Variants in CAMK2G observed in about 807,000 individuals in gnomAD.
CAMK2G encodes the protein calcium/calmodulin dependent protein kinase II gamma, also known as calcium/calmodulin-dependent protein kinase type II subunit gamma.
CAMK2G carries 23 observed loss-of-function variants against 88.7 expected under a neutral mutation model. The observed-to-expected ratio is 0.26, with a 90% CI of 0.19 to 0.37. The LOEUF (loss-of-function observed/expected upper bound fraction) is 0.37. Ranked by LOEUF, CAMK2G falls within the 10% of genes least tolerant of loss-of-function variation. The probability of loss-of-function intolerance (pLI) is 1.00; values close to 1 mark genes in which losing one functional copy is unlikely to be tolerated. For missense variants in CAMK2G, 476 were observed against 780.8 expected, an observed-to-expected ratio of 0.61 and a Z score of 4.65; for synonymous variants, 263 against 294.8, an observed-to-expected ratio of 0.89 and a Z score of 1.11.
chr10:73,866,478 C>T (rs1050557958), intron 2 of CAMK2G, among the ~76,000 whole-genome samples: 6 of 151,970 alleles, frequency 3.9e-5, no homozygotes, highest in African/African-American at 1.5e-4. Context: ...AAAAAAAACA[C>T]AAATGCCAGC....
At chr10:73,860,806 A>G in intron 3 of CAMK2G, 24 bp downstream of exon 3, 1 of 1,582,984 alleles carries the variant, frequency 6.3e-7, no homozygotes, top group Non-Finnish European at 8.7e-7. Context: ...ATACCCACAA[A>G]ATGCTCCATG....
At chr10:73,856,698 T>C (rs867702340) in intron 3 of CAMK2G, among the ~76,000 whole-genome samples, 1 of 152,258 alleles carries the variant, frequency 6.6e-6, no homozygotes, top group Non-Finnish European at 1.5e-5. Context: ...GGCCAGGCCA[T>C]GTCCATAGAC....
In CAMK2G at chr10:73,873,090, G is replaced by A; in HGVS notation, c.66-7C>T. 6.3e-7 allele frequency: 1 copy of A among 1,593,604 alleles called. No homozygotes were observed. The highest frequency in any genetic ancestry group is 8.6e-7 in the Non-Finnish European group (1 of 1,161,530). On this transcript the variant is annotated splice_polypyrimidine_tract_variant and splice_region_variant and intron_variant, in intron 1 of 22. Transcript: ENST00000423381. ...GACCACAGAGAAAGCACCCCTGGAG[G>A]GAGAAGGGGAAAAGAACTGGGACAC...
intron 3 of CAMK2G, among the ~76,000 whole-genome samples, chr10:73,857,305 C>T (rs2095109430): frequency 6.6e-6 from 1 of 152,132 alleles, no homozygotes; most frequent in Admixed American, 6.5e-5. Context: ...AGCCCCCTTT[C>T]CTGGCTGAAC....
At chr10:73,860,778 T>G (rs2095338279) in intron 3 of CAMK2G, 52 bp downstream of exon 3, 8 of 1,310,088 alleles carry the variant, frequency 6.1e-6, no homozygotes. Flanking sequence ...GGATATCTGT[T>G]ATCCCTGCTT....
chr10:73,861,484 T>C (rs2095371609), intron 2 of CAMK2G, among the ~76,000 whole-genome samples: 1 of 152,126 alleles, frequency 6.6e-6, no homozygotes, highest in South Asian at 2.1e-4. Flanking sequence ...GCCTCCCGAG[T>C]AGCTGGGATT....
At chr10:73,856,565 C>T (rs138665179) in intron 3 of CAMK2G, among the ~76,000 whole-genome samples, 97 of 152,298 alleles carry the variant, frequency 6.4e-4, no homozygotes, top group African/African-American at 1.9e-3. Context: ...TACACAAATG[C>T]GTTAACTAAG....
chr10:73,874,245 G>T, intron 1 of CAMK2G, 152 bp downstream of exon 1: 1 of 355,650 alleles, frequency 2.8e-6, no homozygotes, highest in South Asian at 1.3e-4. Context: ...TGCGCGGGGG[G>T]CGCGGGGACC....
chr10:73,845,040 G>A (rs1332053148), intron 10 of CAMK2G, among the ~76,000 whole-genome samples: 1 of 152,096 alleles, frequency 6.6e-6, no homozygotes, highest in Non-Finnish European at 1.5e-5. Flanking sequence ...AAATGCTGGT[G>A]TGTAGTGGCC....
chr10:73,821,612 G>C, intron 18 of CAMK2G, 70 bp downstream of exon 18: 1 of 1,149,882 alleles, frequency 8.7e-7, no homozygotes, highest in South Asian at 1.3e-5. Context: ...AGAAAAGGCA[G>C]GTGCCCCATT....
At chr10:73,853,007 G>T (rs568447680) in intron 4 of CAMK2G, among the ~76,000 whole-genome samples, 185 bp downstream of exon 4, 213 of 152,320 alleles carry the variant, frequency 1.4e-3, no homozygotes, top group Non-Finnish European at 2.5e-3. Context: ...GCCCTGGGGG[G>T]ACGCTGGGGG....
intron 19 of CAMK2G, 138 bp downstream of exon 19, chr10:73,819,394 A>C (rs1390583687): frequency 3.0e-6 from 2 of 676,962 alleles, no homozygotes; most frequent in African/African-American, 3.6e-5. Flanking sequence ...TCTACCCCCC[A>C]CCCCCAGCAG....
intron 16 of CAMK2G, 31 bp from the exon 17 acceptor site, chr10:73,824,115 A>C (rs766651884): frequency 1.3e-6 from 2 of 1,581,868 alleles, no homozygotes; most frequent in African/African-American, 2.7e-5. Flanking sequence ...TACCCTTCCG[A>C]CTTGGGGACA....
chr10:73,874,177 G>T (rs1277390118), intron 1 of CAMK2G, among the ~76,000 whole-genome samples: 3 of 149,792 alleles, frequency 2.0e-5, no homozygotes, highest in Non-Finnish European at 4.5e-5. Context: ...CCGCGGCGGC[G>T]CGTGGGGAGC....
chr10:73,818,464 C>T, intron 19 of CAMK2G: 1 of 349,948 alleles, frequency 2.9e-6, no homozygotes, highest in East Asian at 7.4e-5. Context: ...TTGGGCTCAT[C>T]CTAACCCGAG....
chr10:73,851,591 G>A (rs904863410), intron 5 of CAMK2G, among the ~76,000 whole-genome samples: 1 of 152,126 alleles, frequency 6.6e-6, no homozygotes, highest in African/African-American at 2.4e-5. Context: ...AGTGGCTTGA[G>A]CACACCAGAA....
Position 73,819,566 on chromosome 10 carries a change from G to T in CAMK2G, c.1329C>A (p.Gly443=). Residue 443 remains glycine, a synonymous_variant, in exon 19 of 23, where the codon GGC becomes GGA. Transcript: ENST00000423381. ...AGCAGAGAGAAGGCTGGGGCTGCATGCCTGCAGAGGGGGCTGTTCTGTCCC... is the reference window on the plus strand; with the variant it reads ...AGCAGAGAGAAGGCTGGGGCTGCATTCCTGCAGAGGGGGCTGTTCTGTCCC... The part of the protein sequence containing the change: ...SSRDRTAPSA[G]MQPQPSLCSS... 1 of 1,549,504 alleles carries T rather than the reference G, an allele frequency of 6.5e-7. No homozygotes were observed. The highest frequency in any genetic ancestry group is 1.2e-5 in the South Asian group (1 of 84,002).
intron 6 of CAMK2G, 21 bp downstream of exon 6, chr10:73,849,238 ACG>A (rs1259472736): frequency 1.9e-6 from 3 of 1,605,834 alleles, no homozygotes; most frequent in Non-Finnish European, 2.6e-6. Flanking sequence ...GAGCAGAGGC[ACG>A]GAGGGGAGCC....
chr10:73,819,490 G>T, intron 19 of CAMK2G, 42 bp downstream of exon 19: 1 of 1,401,554 alleles, frequency 7.1e-7, no homozygotes, highest in African/African-American at 1.4e-5. Flanking sequence ...TTCAGGACGA[G>T]CCAGGGAGAC....
Sources: gnomAD v4.1 joint callset for allele counts (sites outside exome capture counted in the v4.1 genomes callset) on GRCh38, gnomAD v4.1.1 for gene constraint, MANE v1.5 for transcripts, NCBI Gene and HGNC (gene_info 2026-07-23, HGNC 2026-07-21) for gene names.